FHIT: variants seen among roughly 807,000 people sequenced by gnomAD.
FHIT encodes the protein bis(5'-adenosyl)-triphosphatase.
Under a neutral mutation model 17.9 loss-of-function variants are expected in FHIT, and 19 were observed. The ratio of observed to expected loss-of-function variants is 1.06; its 90% CI spans 0.74 to 1.56. The LOEUF (loss-of-function observed/expected upper bound fraction) is 1.56. Among genes scored for constraint, FHIT ranks in the 40% most tolerant of loss-of-function variants. The pLI, the probability that FHIT is intolerant of heterozygous loss-of-function variation, is 0.00. For synonymous variants in FHIT, 81 were observed against 69.7 expected (o/e 1.16, Z -0.81); for missense variants, 248 against 189.2 (o/e 1.31, Z -1.82).
chr3:60,677,283 T>A (rs1447728576), intron 4 of FHIT, among the ~76,000 whole-genome samples: 1 of 152,176 alleles, frequency 6.6e-6, no homozygotes, highest in Non-Finnish European at 1.5e-5. Context: ...ACCTAAATAG[T>A]GTACATTGTA....
chr3:60,644,468 A>C (rs73097250), intron 4 of FHIT, among the ~76,000 whole-genome samples: 3,445 of 152,330 alleles, frequency 0.023, 73 homozygotes, highest in Middle Eastern at 0.058. Context: ...TATGTGTTGA[A>C]TACATAGGTA....
At chr3:59,854,246 G>C (rs1260312743) in intron 8 of FHIT, among the ~76,000 whole-genome samples, 1 of 152,130 alleles carries the variant, frequency 6.6e-6, no homozygotes, top group African/African-American at 2.4e-5. Flanking sequence ...ATGCTTTAAA[G>C]GGTCCCTGCT....
chr3:61,020,661 C>T (rs948516259), intron 3 of FHIT, among the ~76,000 whole-genome samples: 9 of 152,140 alleles, frequency 5.9e-5, no homozygotes, highest in African/African-American at 2.2e-4. Flanking sequence ...ATCAAATTCA[C>T]ACATAACAAT....
chr3:60,457,143 A>G (rs543621716), intron 5 of FHIT, among the ~76,000 whole-genome samples: 1 of 152,184 alleles, frequency 6.6e-6, no homozygotes, highest in Non-Finnish European at 1.5e-5. Context: ...AGCCAAAAGA[A>G]CAAAGCTGGA....
At chr3:60,798,066 T>C (rs1701049687) in intron 4 of FHIT, among the ~76,000 whole-genome samples, 1 of 152,178 alleles carries the variant, frequency 6.6e-6, no homozygotes, top group South Asian at 2.1e-4. Flanking sequence ...AACCAGACAG[T>C]AAACATTTTG....
At chr3:61,198,135 A>T (rs995913037) in intron 2 of FHIT, among the ~76,000 whole-genome samples, 3 of 152,062 alleles carry the variant, frequency 2.0e-5, no homozygotes, top group African/African-American at 7.2e-5. Context: ...TATACTATCA[A>T]TGAGGGTTCT....
At chr3:60,624,656 C>G (rs137982446) in intron 4 of FHIT, among the ~76,000 whole-genome samples, 27 of 152,226 alleles carry the variant, frequency 1.8e-4, no homozygotes, top group African/African-American at 6.5e-4. Flanking sequence ...ACTGAAATTA[C>G]TTAGCAATGT....
chr3:60,912,265 G>C (rs565402851), intron 3 of FHIT, among the ~76,000 whole-genome samples: 4 of 152,298 alleles, frequency 2.6e-5, no homozygotes, highest in Admixed American at 1.3e-4. Flanking sequence ...TGATTGAGCA[G>C]TGGTGGGGGT....
chr3:60,546,505 T>C (rs144674812), intron 4 of FHIT, among the ~76,000 whole-genome samples: 2 of 152,338 alleles, frequency 1.3e-5, no homozygotes, highest in East Asian at 3.9e-4. Context: ...CAAATAATGC[T>C]TTATATGCTT....
intron 4 of FHIT, among the ~76,000 whole-genome samples, chr3:60,752,587 C>T (rs1299999464): frequency 2.0e-5 from 3 of 152,274 alleles, no homozygotes; most frequent in Non-Finnish European, 2.9e-5. Flanking sequence ...GTGAACAATT[C>T]GAACCCACAA....
chr3:60,327,697 C>G (rs1475956942), intron 5 of FHIT, among the ~76,000 whole-genome samples: 1 of 152,150 alleles, frequency 6.6e-6, no homozygotes, highest in African/African-American at 2.4e-5. Context: ...TTTAAGGTAA[C>G]AGGTATTAAA....
chr3:60,612,941 T>A (rs1451937888), intron 4 of FHIT, among the ~76,000 whole-genome samples: 1 of 149,578 alleles, frequency 6.7e-6, no homozygotes, highest in African/African-American at 2.5e-5. Context: ...TAAAAGGTAT[T>A]TGGAATCCCT....
intron 2 of FHIT, among the ~76,000 whole-genome samples, chr3:61,118,865 G>A (rs1310559463): frequency 6.6e-6 from 1 of 152,062 alleles, no homozygotes; most frequent in Non-Finnish European, 1.5e-5. Flanking sequence ...TTTGCAAGCA[G>A]GACTTATCCC....
Position 59,749,173 on chromosome 3 carries a change from T to C in FHIT, c.*412A>G, listed in dbSNP as rs1420027105. 4.4e-6 allele frequency: 1 copy of C among 229,438 alleles called. No homozygotes were observed. The highest frequency in any genetic ancestry group is 5.7e-5 in the Admixed American group (1 of 17,630). 14.2% of individuals were successfully genotyped at this position (229,438 alleles called of 1,614,324 possible). ...CCACTTAATGTATAAAAATTCAATA[T>C]GTAGACATTTTTTTTGAAAAGGGAA... On this transcript the variant is annotated 3_prime_UTR_variant, in exon 10 of 10. Coordinates refer to ENST00000492590, the MANE Select transcript of FHIT (RefSeq NM_002012.4).
At chr3:60,065,477 A>G (rs1366219224) in intron 5 of FHIT, among the ~76,000 whole-genome samples, 2 of 152,178 alleles carry the variant, frequency 1.3e-5, no homozygotes, top group Non-Finnish European at 2.9e-5. Flanking sequence ...AACTCTCTGT[A>G]ATTATGCTGT....
intron 3 of FHIT, among the ~76,000 whole-genome samples, chr3:60,986,468 T>C (rs1710724190): frequency 6.6e-6 from 1 of 152,212 alleles, no homozygotes; most frequent in Non-Finnish European, 1.5e-5. Context: ...GAAATGCTGA[T>C]AGAAAAGAAA....
intron 5 of FHIT, among the ~76,000 whole-genome samples, chr3:60,038,818 G>T (rs561920229): frequency 6.6e-6 from 1 of 152,198 alleles, no homozygotes; most frequent in African/African-American, 2.4e-5. Context: ...AGCCAAAACT[G>T]AACAACAATC....
intron 5 of FHIT, among the ~76,000 whole-genome samples, chr3:60,199,713 C>T (rs1395620343): frequency 6.6e-6 from 1 of 152,022 alleles, no homozygotes; most frequent in South Asian, 2.1e-4. Context: ...CATTCAAGGT[C>T]AATGATAAGA....
At chr3:61,083,953 A>G (rs1290340701) in intron 2 of FHIT, among the ~76,000 whole-genome samples, 3 of 151,940 alleles carry the variant, frequency 2.0e-5, no homozygotes, top group Admixed American at 2.0e-4. Context: ...AGATGAAATG[A>G]TGCTTGGATA....
Sources: allele counts gnomAD v4.1 joint callset (sites outside exome capture counted in the v4.1 genomes callset), GRCh38; gene constraint gnomAD v4.1.1; transcripts MANE v1.5; gene names NCBI Gene and HGNC (gene_info 2026-07-23, HGNC 2026-07-21).